Variants in KANSL1 observed in about 807,000 individuals in gnomAD.
KANSL1 encodes the protein MLL1/MLL complex subunit KANSL1.
Under a neutral mutation model 103.6 loss-of-function variants are expected in KANSL1, and 22 were observed. The observed-to-expected ratio is 0.21, with a 90% CI of 0.15 to 0.30. The LOEUF (loss-of-function observed/expected upper bound fraction) is 0.30, where lower values mean the gene tolerates loss of function less well. Among genes scored for constraint, KANSL1 ranks in the 10% least tolerant of loss-of-function variants. KANSL1 has a pLI of 1.00. For missense variants in KANSL1, 1,337 were observed against 1,399.8 expected (o/e 0.96, Z 0.72); for synonymous variants, 600 against 527.6 (o/e 1.14, Z -1.88).
chr17:46,035,778 T>C (rs2077128362), intron 10 of KANSL1: 1 of 152,176 alleles, frequency 6.6e-6, no homozygotes, highest in African/African-American at 2.4e-5. Context: ...AGGTATACAC[T>C]TTCCCTGAAA....
chr17:46,105,746 C>T (rs995922687), intron 2 of KANSL1, among the ~76,000 whole-genome samples: 6 of 152,084 alleles, frequency 3.9e-5, no homozygotes, highest in African/African-American at 1.4e-4. Flanking sequence ...TGGTGCAAGC[C>T]TAAGGTCCCA....
intron 2 of KANSL1, among the ~76,000 whole-genome samples, chr17:46,107,062 T>C (rs111295615): frequency 0.14 from 21,638 of 151,936 alleles, 2,118 homozygotes; most frequent in Non-Finnish European, 0.22. Flanking sequence ...ATAAACACTA[T>C]CCAACCGAAA....
At chr17:46,155,248 C>CCCGG (rs1336322508) in intron 2 of KANSL1, among the ~76,000 whole-genome samples, 3 of 150,976 alleles carry the variant, frequency 2.0e-5, no homozygotes, top group Non-Finnish European at 4.4e-5. Context: ...ACCTCCACCT[C>CCCGG]CCGGGTTCAA....
intron 1 of KANSL1, among the ~76,000 whole-genome samples, chr17:46,200,268 C>T (rs2047754456): frequency 6.6e-6 from 1 of 152,056 alleles, no homozygotes. Context: ...AGAATTTGGC[C>T]AAAATGTACC....
intron 7 of KANSL1, chr17:46,043,607 CCA>C (rs1176343582): frequency 2.0e-5 from 3 of 152,160 alleles, no homozygotes; most frequent in African/African-American, 4.8e-5. Flanking sequence ...TTAAATAACT[CCA>C]GACAGTTACT....
At chr17:46,134,657 T>G (rs371915545) in intron 2 of KANSL1, among the ~76,000 whole-genome samples, 3 of 151,922 alleles carry the variant, frequency 2.0e-5, no homozygotes, top group Non-Finnish European at 1.5e-5. Flanking sequence ...CTGGCCAACA[T>G]GGCGAAACCC....
At chr17:46,128,881 G>A (rs1381158344) in intron 2 of KANSL1, among the ~76,000 whole-genome samples, 1 of 152,182 alleles carries the variant, frequency 6.6e-6, no homozygotes, top group African/African-American at 2.4e-5. Context: ...GGAGGGACAC[G>A]GATGTGTTAT....
intron 6 of KANSL1, among the ~76,000 whole-genome samples, chr17:46,061,502 A>G (rs149517063): frequency 6.0e-4 from 91 of 152,218 alleles, no homozygotes; most frequent in Admixed American, 5.4e-3. Context: ...CATCCACCAT[A>G]CTAGACCCCT....
intron 2 of KANSL1, among the ~76,000 whole-genome samples, chr17:46,147,806 T>C (rs2044810066): frequency 1.3e-5 from 2 of 152,246 alleles, no homozygotes; most frequent in Admixed American, 1.3e-4. Flanking sequence ...TATATGACGG[T>C]ATTTTCTCGA....
chr17:46,219,256 A>AAAAG (rs1311717602), intron 1 of KANSL1, among the ~76,000 whole-genome samples: 2 of 151,950 alleles, frequency 1.3e-5, no homozygotes, highest in Admixed American at 6.6e-5. Flanking sequence ...CTCATAAAAA[A>AAAAG]AAAAAAAGGA....
chr17:46,163,364 T>C (rs2045842742), intron 2 of KANSL1, among the ~76,000 whole-genome samples: 1 of 152,228 alleles, frequency 6.6e-6, no homozygotes, highest in Admixed American at 6.5e-5. Context: ...ATTTCCTCAC[T>C]GTTTTTTATT....
chr17:46,032,784 T>A (rs904603605), intron 13 of KANSL1, among the ~76,000 whole-genome samples: 2 of 152,100 alleles, frequency 1.3e-5, no homozygotes, highest in African/African-American at 4.8e-5. Context: ...GCTCCCCGGG[T>A]TGAATCACCA....
intron 2 of KANSL1, among the ~76,000 whole-genome samples, chr17:46,152,370 TTATAAAAACC>T (rs1343221968): frequency 1.3e-5 from 2 of 152,244 alleles, no homozygotes; most frequent in East Asian, 1.9e-4. Context: ...AATAACTTAC[TTATAAAAACC>T]TAAAACTATC....
chr17:46,043,359 A>C (rs2077394122), intron 7 of KANSL1: 1 of 152,190 alleles, frequency 6.6e-6, no homozygotes, highest in African/African-American at 2.4e-5. Flanking sequence ...GAAAACAGCA[A>C]TGACTAGAAA....
At chr17:46,081,750 T>C (rs993054940) in intron 4 of KANSL1, among the ~76,000 whole-genome samples, 2 of 152,248 alleles carry the variant, frequency 1.3e-5, no homozygotes, top group Admixed American at 1.3e-4. Context: ...AGCTTTATTA[T>C]CTGAAGCATA....
At chr17:46,047,390 T>C (rs1260155225) in intron 7 of KANSL1, among the ~76,000 whole-genome samples, 1 of 152,252 alleles carries the variant, frequency 6.6e-6, no homozygotes, top group Non-Finnish European at 1.5e-5. Context: ...ATATTGTCTA[T>C]GGCTGCTTTT....
intron 7 of KANSL1, chr17:46,043,161 C>A (rs1035501808): frequency 6.6e-6 from 1 of 152,168 alleles, no homozygotes. Context: ...TCCCACAATA[C>A]CCCTTTGTCA....
chr17:46,143,691 C>CT (rs1284012165), intron 2 of KANSL1, among the ~76,000 whole-genome samples: 1 of 149,902 alleles, frequency 6.7e-6, no homozygotes, highest in Non-Finnish European at 1.5e-5. Flanking sequence ...GTAGTCCCAG[C>CT]TACTCAGGAG....
intron 1 of KANSL1, among the ~76,000 whole-genome samples, chr17:46,191,556 G>C (rs1218295390): frequency 1.3e-5 from 2 of 152,206 alleles, no homozygotes; most frequent in Non-Finnish European, 2.9e-5. Flanking sequence ...ATACTTGAAA[G>C]GACTTTCAAA....
Sources: gnomAD v4.1 joint callset for allele counts (sites outside exome capture counted in the v4.1 genomes callset) on GRCh38, gnomAD v4.1.1 for gene constraint, MANE v1.5 for transcripts, NCBI Gene and HGNC (gene_info 2026-07-23, HGNC 2026-07-21) for gene names.